Variants in PODN observed in about 807,000 individuals in gnomAD.
The protein encoded by PODN is podocan.
In PODN, 40 loss-of-function variants were observed where a neutral mutation model predicts 52.7. That is an observed-to-expected ratio of 0.76 (90% CI 0.59 to 0.99). PODN has a LOEUF of 0.99. Among genes scored for constraint, PODN ranks in the 50% least tolerant of loss-of-function variants. The probability of loss-of-function intolerance (pLI) is 0.00; values close to 1 mark genes in which losing one functional copy is unlikely to be tolerated. For missense variants in PODN, 720 were observed against 815.1 expected (o/e 0.88, Z 1.42); for synonymous variants, 396 against 377.9 (o/e 1.05, Z -0.56).
intron 3 of PODN, among the ~76,000 whole-genome samples, chr1:53,071,953 A>G (rs1288439963): frequency 2.0e-5 from 3 of 152,164 alleles, no homozygotes; most frequent in African/African-American, 7.2e-5. Context: ...TCACAAGTGT[A>G]ATAACATTCT....
intron 10 of PODN, among the ~76,000 whole-genome samples, chr1:53,084,017 G>A (rs1644329304): frequency 6.6e-6 from 1 of 152,168 alleles, no homozygotes; most frequent in Non-Finnish European, 1.5e-5. Flanking sequence ...GCTGGGAGAA[G>A]GGCGCAAGTT....
At position 53,075,931 on chromosome 1, in the gene PODN, A is replaced by G; in HGVS notation, c.541A>G (p.Lys181Glu). The part of the protein sequence containing the change: ...SVDFAANYLT[K>E]IYGLTFGQKP... ...GGACTTTGCTGCCAACTATCTCACC[A>G]AGATCTATGGGCTCACCTTTGGCCA... is the stretch of plus-strand genomic sequence containing the variant. The change falls in exon 5 of 11, where the codon AAG becomes GAG. Residue 181 changes from lysine (K) to glutamate (E), a missense_variant. By Grantham distance (56) the Lys-to-Glu change is moderately conservative (BLOSUM62 1). Coordinates refer to ENST00000312553, the MANE Select transcript of PODN (RefSeq NM_153703.5). 1 of 1,604,702 alleles carries G rather than the reference A, an allele frequency of 6.2e-7. No homozygotes were observed. The highest frequency in any genetic ancestry group is 8.5e-7 in the Non-Finnish European group (1 of 1,174,674).
chr1:53,076,078 A>C, intron 5 of PODN, 107 bp downstream of exon 5: 1 of 971,196 alleles, frequency 1.0e-6, no homozygotes, highest in Non-Finnish European at 1.6e-6. Flanking sequence ...GAGGCCCTGC[A>C]CTCAGGGCTG....
chr1:53,071,614 G>A lies in PODN; in HGVS notation c.392G>A (p.Arg131His), dbSNP rs758058424. ...GAGACGCTGAACCTGCAAAACAACC[G>A]CCTGACTTCCCGAGGTGAGGGGCCA... ...RLETLNLQNN[R>H]LTSRGLPEKA... The change falls in exon 3 of 11, where the codon CGC becomes CAC. Residue 131 changes from arginine to histidine, a missense_variant. Coordinates refer to ENST00000312553, the MANE Select transcript of PODN (RefSeq NM_153703.5). 4 of 1,613,698 alleles carry A rather than the reference G, an allele frequency of 2.5e-6. No homozygotes were observed. Among genetic ancestry groups the A allele is most frequent in the Admixed American group, 1.7e-5 (1 of 60,012 alleles).
intron 1 of PODN, among the ~76,000 whole-genome samples, chr1:53,064,189 G>A (rs928713240): frequency 2.0e-5 from 3 of 152,176 alleles, no homozygotes; most frequent in Admixed American, 2.0e-4. Flanking sequence ...TCACAAAGTC[G>A]TTCATTCAGC....
chr1:53,069,795 T>A lies in PODN; in HGVS notation c.-55-6T>A. The A allele has an allele frequency of 6.3e-7, 1 of 1,575,716 alleles. No individual in the cohort carries two copies. Among genetic ancestry groups the A allele is most frequent in the Non-Finnish European group, 8.6e-7 (1 of 1,161,958 alleles). The stretch of plus-strand genomic sequence containing the variant: ...GGGCCCCAGCTGTGTCCACTGTACC[T>A]CACAGGTTCCGTCAGCCCTGGCGCC... On this transcript the variant is annotated splice_polypyrimidine_tract_variant and splice_region_variant and intron_variant, in intron 1 of 10. Coordinates refer to ENST00000312553, the MANE Select transcript of PODN (RefSeq NM_153703.5).
chr1:53,076,874 C>T (rs577916632), intron 5 of PODN, among the ~76,000 whole-genome samples: 4 of 152,174 alleles, frequency 2.6e-5, no homozygotes, highest in South Asian at 2.1e-4. Context: ...GAAGGGGCCG[C>T]GAGTCAGGCA....
chr1:53,083,333 CAT>C (rs1557660234), intron 10 of PODN, among the ~76,000 whole-genome samples: 2 of 152,190 alleles, frequency 1.3e-5, no homozygotes, highest in African/African-American at 4.8e-5. Flanking sequence ...CCGACACACA[CAT>C]GCATCTTCCA....
intron 1 of PODN, among the ~76,000 whole-genome samples, chr1:53,068,793 C>T (rs765542427): frequency 9.2e-5 from 14 of 152,136 alleles, no homozygotes; most frequent in Admixed American, 3.9e-4. Flanking sequence ...GCCAAGCCTA[C>T]GCCACGGGAC....
At position 53,074,675 on chromosome 1, in the gene PODN, G is replaced by A. The variant is rs1253454247; in HGVS notation, c.471+5G>A. 6.2e-7 allele frequency: 1 copy of A among 1,613,838 alleles called. No homozygotes were observed. Among genetic ancestry groups the A allele is most frequent in the African/African-American group, 1.3e-5 (1 of 75,036 alleles). On this transcript the variant is annotated splice_donor_5th_base_variant and intron_variant, in intron 4 of 10. Coordinates refer to ENST00000312553, the MANE Select transcript of PODN (RefSeq NM_153703.5). ...CTGTACTTGGCCAATAACAAGGTGA[G>A]GGGCTTGAGGCAGGGTGGGGGGTTG...
chr1:53,081,968 G>C lies in PODN; in HGVS notation c.1662-13G>C, dbSNP rs1301009288. 3 of 1,578,726 alleles carry C rather than the reference G, an allele frequency of 1.9e-6. No homozygotes were observed. Among genetic ancestry groups the C allele is most frequent in the South Asian group, 1.1e-5 (1 of 87,208 alleles). ...TTGGGCTCCTGGCATTGACTGCCTC[G>C]ATGCTCACACAGGTTTAACAAGCTG... On this transcript the variant is annotated splice_polypyrimidine_tract_variant and intron_variant, in intron 9 of 10. Transcript: ENST00000312553.
In PODN at chr1:53,078,433, C is replaced by CGCGCAGCCTGGTGCTGCT; in HGVS notation, c.926_943dup (p.Arg309_Leu314dup). On this transcript the variant is annotated inframe_insertion, in exon 8 of 11. Transcript: ENST00000312553. ...CTGTCTCGGGTCCCAGCTGGGCTGC[C>CGCGCAGCCTGGTGCTGCT]GCGCAGCCTGGTGCTGCTGCACTTG... The CGCGCAGCCTGGTGCTGCT allele has an allele frequency of 6.2e-7, 1 of 1,613,434 alleles. No homozygotes were observed. Among genetic ancestry groups the CGCGCAGCCTGGTGCTGCT allele is most frequent in the Non-Finnish European group, 8.5e-7 (1 of 1,179,976 alleles).
Position 53,069,979 on chromosome 1 carries a change from G to C in PODN, c.124G>C (p.Glu42Gln). Residue 42 changes from glutamate to glutamine, a missense_variant, in exon 2 of 11, where the codon GAG becomes CAG. Coordinates refer to ENST00000312553, the MANE Select transcript of PODN (RefSeq NM_153703.5). ...RSGGHSLSPE[E>Q]NEFAEEEPVL... The stretch of plus-strand genomic sequence containing the variant: ...TGGCGGCCACAGCCTGAGCCCCGAA[G>C]AGAACGAATTTGCGGAGGAGGAGCC... 1 of 1,610,744 alleles carries C rather than the reference G, an allele frequency of 6.2e-7. No individual in the cohort carries two copies. Among genetic ancestry groups the C allele is most frequent in the South Asian group, 1.1e-5 (1 of 90,774 alleles).
At chr1:53,079,432 G>T (rs2150305104) in intron 8 of PODN, among the ~76,000 whole-genome samples, 1 of 152,312 alleles carries the variant, frequency 6.6e-6, no homozygotes, top group South Asian at 2.1e-4. Flanking sequence ...AGTTCGGGTG[G>T]TATGTATGGG....
intron 1 of PODN, among the ~76,000 whole-genome samples, chr1:53,064,357 C>A (rs1644003484): frequency 6.6e-6 from 1 of 152,256 alleles, no homozygotes; most frequent in African/African-American, 2.4e-5. Context: ...AGGGGCATTT[C>A]AGCAGGAGCT....
At chr1:53,062,427 A>T in intron 1 of PODN, 119 bp downstream of exon 1, 1 of 718,032 alleles carries the variant, frequency 1.4e-6, no homozygotes, top group Non-Finnish European at 1.9e-6. Flanking sequence ...GGCCCGCCGC[A>T]TCTCACCCCC....
intron 1 of PODN, among the ~76,000 whole-genome samples, chr1:53,069,186 C>T (rs183636787): frequency 3.3e-5 from 5 of 152,350 alleles, no homozygotes; most frequent in African/African-American, 1.2e-4. Flanking sequence ...TCCCGCTGCT[C>T]CCCCTCTTCC....
At chr1:53,079,163 C>A in intron 8 of PODN, 141 bp downstream of exon 8, 1 of 1,176,762 alleles carries the variant, frequency 8.5e-7, no homozygotes, top group Non-Finnish European at 1.2e-6. Flanking sequence ...TGAGCTCATT[C>A]ACCTTCAGGT....
rs755516736 is a variant in PODN at position 53,070,006 on chromosome 1, G to A, written c.151G>A (p.Val51Met). 133 of 1,612,580 alleles carry A rather than the reference G, an allele frequency of 8.2e-5. No homozygotes were observed. The highest frequency in any genetic ancestry group is 1.1e-4 in the Non-Finnish European group (126 of 1,179,840). Residue 51 changes from valine (V) to methionine (M), a missense_variant, in exon 2 of 11, where the codon GTG becomes ATG. Transcript: ENST00000312553. ...EENEFAEEEPVLVLSPEEPGP... is the reference protein window; with the variant it reads ...EENEFAEEEPMLVLSPEEPGP... ...GAACGAATTTGCGGAGGAGGAGCCG[G>A]TGCTGGTACTGAGCCCTGAGGAGCC...
Sources: gnomAD v4.1 joint callset for allele counts (sites outside exome capture counted in the v4.1 genomes callset) on GRCh38, gnomAD v4.1.1 for gene constraint, MANE v1.5 for transcripts, NCBI Gene and HGNC (gene_info 2026-07-23, HGNC 2026-07-21) for gene names.